AP3B1: variants seen among roughly 807,000 people sequenced by gnomAD.
AP3B1 encodes AP-3 complex subunit beta-1.
A neutral mutation model predicts 132.5 loss-of-function variants in AP3B1; 61 were observed. The ratio of observed to expected loss-of-function variants is 0.46; its 90% CI spans 0.37 to 0.57. The LOEUF (loss-of-function observed/expected upper bound fraction) is 0.57, where lower values mean the gene tolerates loss of function less well. Among genes scored for constraint, AP3B1 ranks in the 20% least tolerant of loss-of-function variants. AP3B1 has a pLI of 0.00. For missense variants in AP3B1, 1,120 were observed against 1,289.4 expected (o/e 0.87, Z 2.01); for synonymous variants, 388 against 438.3 (o/e 0.89, Z 1.43).
Position 78,215,457 on chromosome 5 carries a change from G to A in AP3B1, c.786+598C>T, listed in dbSNP as rs143469524. 1.1e-3 allele frequency among the ~76,000 whole-genome samples: 162 copies of A among 151,910 alleles called. 1 individual carries two copies. Among genetic ancestry groups the A allele is most frequent in the African/African-American group, 3.7e-3 (155 of 41,434 alleles). ...GCATACTTAAAAAAAAGAATAAGGC[G>A]TACTTCTAATGTTAATCTGCACAAA... On this transcript the variant is annotated intron_variant, in intron 7 of 26. Coordinates refer to ENST00000255194, the MANE Select transcript of AP3B1 (RefSeq NM_003664.5).
Position 78,122,112 on chromosome 5 carries a change from T to C in AP3B1, c.1969-5878A>G, listed in dbSNP as rs547440634. ...GACAAAAACCACATGATTATCTCAATAGATGCAGAAACGGCCTTTGACAAA... is the reference window on the plus strand; with the variant it reads ...GACAAAAACCACATGATTATCTCAACAGATGCAGAAACGGCCTTTGACAAA... On this transcript the variant is annotated intron_variant, in intron 17 of 26. Transcript: ENST00000255194. Among the ~76,000 whole-genome samples the C allele has an allele frequency of 2.4e-4, 36 of 152,268 alleles. 1 individual carries two copies. The highest frequency in any genetic ancestry group is 8.2e-4 in the African/African-American group (34 of 41,536).
chr5:78,070,425 A>G (rs112090534), intron 22 of AP3B1, among the ~76,000 whole-genome samples: 5,057 of 142,790 alleles, frequency 0.035, 282 homozygotes, highest in African/African-American at 0.12. Flanking sequence ...AAAAAAAAAA[A>G]CTAAAATGTA....
rs202232687 is a variant in AP3B1 at position 78,015,563 on chromosome 5, G to A, written c.2993-15C>T. The A allele has an allele frequency of 6.2e-7, 1 of 1,612,732 alleles. No individual in the cohort carries two copies. The highest frequency in any genetic ancestry group is 1.3e-5 in the African/African-American group (1 of 74,998). ...TGTTAGCACTCCTGTAAAAGCAAAA[G>A]AAGGCTCCCTTTTATTAATTTCTTT... On this transcript the variant is annotated splice_polypyrimidine_tract_variant and intron_variant, in intron 25 of 26. Transcript: ENST00000255194.
intron 2 of AP3B1, among the ~76,000 whole-genome samples, chr5:78,247,130 T>G (rs1034520044): frequency 2.0e-5 from 3 of 151,566 alleles, no homozygotes; most frequent in East Asian, 3.8e-4. Context: ...TTAAAAAAAT[T>G]TTGATCTCTT....
At chr5:78,154,514 A>G (rs1355991152) in intron 14 of AP3B1, among the ~76,000 whole-genome samples, 1 of 152,128 alleles carries the variant, frequency 6.6e-6, no homozygotes, top group Non-Finnish European at 1.5e-5. Flanking sequence ...GTTCTCTGAT[A>G]TTATTTCTCT....
intron 11 of AP3B1, among the ~76,000 whole-genome samples, chr5:78,168,282 G>C (rs1248565318): frequency 6.8e-6 from 1 of 147,972 alleles, no homozygotes; most frequent in Non-Finnish European, 1.5e-5. Flanking sequence ...GGAGTGCAGT[G>C]GTATGATCAT....
At chr5:78,042,587 T>C in intron 22 of AP3B1, 1 of 192,722 alleles carries the variant, frequency 5.2e-6, no homozygotes, top group Non-Finnish European at 1.1e-5. Context: ...CAATTCTCCT[T>C]GTCTTCTGCC....
chr5:78,294,370 C>T (rs1365429883), intron 1 of AP3B1, 82 bp downstream of exon 1: 1 of 1,604,892 alleles, frequency 6.2e-7, no homozygotes, highest in East Asian at 2.2e-5. Flanking sequence ...CCGCTCCTCT[C>T]CAGGAAGCCC....
At chr5:78,097,011 T>TG (rs1322949985) in intron 21 of AP3B1, among the ~76,000 whole-genome samples, 2 of 85,168 alleles carry the variant, frequency 2.3e-5, no homozygotes, top group Non-Finnish European at 4.6e-5. Context: ...GGGAGGGAGG[T>TG]GGGGGGGTCA....
At chr5:78,172,027 G>C (rs550613565) in intron 11 of AP3B1, among the ~76,000 whole-genome samples, 19 of 152,250 alleles carry the variant, frequency 1.2e-4, no homozygotes, top group African/African-American at 4.6e-4. Flanking sequence ...TTCTGTTTAT[G>C]TGATAGATTA....
chr5:78,138,195 G>A (rs1196907916), intron 15 of AP3B1, among the ~76,000 whole-genome samples: 1 of 152,232 alleles, frequency 6.6e-6, no homozygotes, highest in Non-Finnish European at 1.5e-5. Context: ...GCTGGGTGCA[G>A]TGGCTCACGC....
At chr5:78,199,342 A>T (rs1745198969) in intron 7 of AP3B1, among the ~76,000 whole-genome samples, 1 of 152,182 alleles carries the variant, frequency 6.6e-6, no homozygotes, top group Admixed American at 6.5e-5. Context: ...AACATGTTGA[A>T]CTTAGGTCTA....
In AP3B1 at chr5:78,162,937, G is replaced by A. The variant is rs755193394; in HGVS notation, c.1245C>T (p.Ser415=). 7 of 1,613,516 alleles carry A rather than the reference G, an allele frequency of 4.3e-6. No homozygotes were observed. The highest frequency in any genetic ancestry group is 1.6e-4 in the Middle Eastern group (1 of 6,084). Residue 415 remains serine (S), a synonymous_variant, in exon 13 of 27, where the codon AGC becomes AGT. Transcript: ENST00000255194. The part of the protein sequence containing the change: ...LLREFQTYVK[S]QDKQFAAATI... ...TGGCTGCTGCAAATTGTTTATCCTG[G>A]CTTTTCACATAGGTCTAAAAGATAT...
In AP3B1 at chr5:78,177,445, T is replaced by A. The variant is rs776758618; in HGVS notation, c.943-9A>T. 1.6e-5 allele frequency: 26 copies of A among 1,602,930 alleles called. No individual in the cohort carries two copies. Among genetic ancestry groups the A allele is most frequent in the Non-Finnish European group, 2.1e-5 (24 of 1,170,004 alleles). ...GCAACTGCCATAACCACCTACAAGA[T>A]AAAGCATAAAAATAACAGAACTATG... On this transcript the variant is annotated splice_polypyrimidine_tract_variant and intron_variant, in intron 8 of 26. Transcript: ENST00000255194.
chr5:78,038,615 G>C (rs1450598980), intron 23 of AP3B1, among the ~76,000 whole-genome samples: 1 of 152,202 alleles, frequency 6.6e-6, no homozygotes, highest in African/African-American at 2.4e-5. Flanking sequence ...AAAGTGAAGG[G>C]AAACAGGAAA....
chr5:78,177,336 T>C lies in AP3B1; in HGVS notation c.1040+3A>G. On this transcript the variant is annotated splice_donor_region_variant and intron_variant, in intron 9 of 26. Coordinates refer to ENST00000255194, the MANE Select transcript of AP3B1 (RefSeq NM_003664.5). ...AAAAAATATATATAAAATCATGACC[T>C]ACCTATTGCTACGAAGTAAACGCAC... 1 of 1,599,738 alleles carries C rather than the reference T, an allele frequency of 6.3e-7. No individual in the cohort carries two copies. Among genetic ancestry groups the C allele is most frequent in the African/African-American group, 1.3e-5 (1 of 74,806 alleles).
At chr5:78,150,997 T>C (rs1753626614) in intron 14 of AP3B1, among the ~76,000 whole-genome samples, 1 of 152,118 alleles carries the variant, frequency 6.6e-6, no homozygotes, top group Admixed American at 6.5e-5. Flanking sequence ...CAGTTCACTG[T>C]AGCCTCCACC....
intron 15 of AP3B1, among the ~76,000 whole-genome samples, chr5:78,131,846 T>C (rs553990892): frequency 1.2e-3 from 176 of 152,254 alleles, no homozygotes; most frequent in Non-Finnish European, 2.0e-3. Context: ...TTTGCTAAAA[T>C]TTTTCAAAAG....
chr5:78,204,188 G>C (rs768985119), intron 7 of AP3B1, among the ~76,000 whole-genome samples: 1 of 152,104 alleles, frequency 6.6e-6, no homozygotes, highest in Non-Finnish European at 1.5e-5. Context: ...ATATTATAAT[G>C]TGGTAACTAA....
Sources: allele counts gnomAD v4.1 joint callset (sites outside exome capture counted in the v4.1 genomes callset), GRCh38; gene constraint gnomAD v4.1.1; transcripts MANE v1.5; gene names NCBI Gene and HGNC (gene_info 2026-07-23, HGNC 2026-07-21).